PDE10A: variants seen among roughly 807,000 people sequenced by gnomAD.
The protein encoded by PDE10A is phosphodiesterase 10A.
A neutral mutation model predicts 97.7 loss-of-function variants in PDE10A; 39 were observed. That is an observed-to-expected ratio of 0.40 (90% CI 0.31 to 0.52). The LOEUF (loss-of-function observed/expected upper bound fraction) is 0.52. PDE10A is among the 20% of genes least tolerant of loss of function. The pLI is 0.56. For missense variants in PDE10A, 731 were observed against 1,047.8 expected, an observed-to-expected ratio of 0.70 and a Z score of 4.17; for synonymous variants, 371 against 376.8, an observed-to-expected ratio of 0.98 and a Z score of 0.18.
At chr6:165,472,599 T>C (rs1469716971) in intron 3 of PDE10A, among the ~76,000 whole-genome samples, 2 of 152,180 alleles carry the variant, frequency 1.3e-5, no homozygotes, top group Admixed American at 1.3e-4. Context: ...TGGTAGACTT[T>C]ATCCCCATTT....
chr6:165,716,516 A>G (rs1582984078), intron 1 of PDE10A, among the ~76,000 whole-genome samples: 1 of 152,264 alleles, frequency 6.6e-6, no homozygotes, highest in Non-Finnish European at 1.5e-5. Flanking sequence ...GGAGTTAATG[A>G]TTAGCACCAT....
chr6:165,367,960 T>C (rs1008982212), intron 18 of PDE10A, among the ~76,000 whole-genome samples: 4 of 152,186 alleles, frequency 2.6e-5, no homozygotes, highest in African/African-American at 9.6e-5. Flanking sequence ...GGAAATGGTA[T>C]ACATGTGAAA....
intron 1 of PDE10A, among the ~76,000 whole-genome samples, chr6:165,895,954 A>T (rs1239478414): frequency 6.6e-6 from 1 of 152,166 alleles, no homozygotes; most frequent in Non-Finnish European, 1.5e-5. Context: ...AGAAACAGAA[A>T]CAAGCATGGT....
At chr6:165,763,265 C>A (rs968781582) in intron 1 of PDE10A, among the ~76,000 whole-genome samples, 4 of 152,174 alleles carry the variant, frequency 2.6e-5, no homozygotes, top group Non-Finnish European at 5.9e-5. Flanking sequence ...AAGGACATCA[C>A]CCTGGTGTTT....
chr6:165,342,840 T>C (rs1469541611), intron 19 of PDE10A, among the ~76,000 whole-genome samples: 1 of 152,188 alleles, frequency 6.6e-6, no homozygotes, highest in Non-Finnish European at 1.5e-5. Context: ...ATTAGATAAG[T>C]CAGTCAAGAA....
chr6:165,668,982 G>C lies in PDE10A; in HGVS notation c.-614-125414C>G, dbSNP rs1583754522. On this transcript the variant is annotated intron_variant, in intron 1 of 19. Coordinates refer to the PDE10A transcript ENST00000366882. ...TTGATGCAGGGATCAGGCCTCCTCA[G>C]CCGCTGATGCCTCATGATAGAAGCA... Among the ~76,000 whole-genome samples, 4 of 152,316 alleles carry C rather than the reference G, an allele frequency of 2.6e-5. No homozygotes were observed. The East Asian group carries it at 7.7e-4, about 29-fold the overall frequency.
chr6:165,958,756 A>AGAAAG (rs1784267002), intron 1 of PDE10A, among the ~76,000 whole-genome samples: 5 of 151,910 alleles, frequency 3.3e-5, no homozygotes, highest in Admixed American at 6.6e-5. Context: ...AGAGAAAGAA[A>AGAAAG]GAAAGAAAGA....
chr6:165,944,074 G>A (rs188503), intron 1 of PDE10A, among the ~76,000 whole-genome samples: 40,200 of 152,144 alleles, frequency 0.26, 5,915 homozygotes, highest in East Asian at 0.39. Flanking sequence ...GGTGAAAGGG[G>A]AAGCAAATGC....
intron 1 of PDE10A, among the ~76,000 whole-genome samples, chr6:165,620,643 T>G (rs138099171): frequency 3.1e-3 from 475 of 152,288 alleles, no homozygotes; most frequent in African/African-American, 0.011. Flanking sequence ...CTGCTTCACC[T>G]GGTGGCAAGG....
intron 2 of PDE10A, among the ~76,000 whole-genome samples, chr6:165,516,019 A>G (rs1781783680): frequency 6.6e-6 from 1 of 152,232 alleles, no homozygotes; most frequent in Admixed American, 6.5e-5. Context: ...TAAGAAATAA[A>G]AAATCTGCTA....
intron 1 of PDE10A, among the ~76,000 whole-genome samples, chr6:165,901,661 GCATGGT>G (rs1239563658): frequency 6.6e-6 from 1 of 152,146 alleles, no homozygotes; most frequent in Non-Finnish European, 1.5e-5. Flanking sequence ...AATTAGCCAC[GCATGGT>G]GGCACATGCC....
chr6:165,928,548 A>G (rs975034602), intron 1 of PDE10A, among the ~76,000 whole-genome samples: 3 of 152,228 alleles, frequency 2.0e-5, no homozygotes, highest in African/African-American at 7.2e-5. Flanking sequence ...TTCATCTGGA[A>G]TGACAAAATA....
intron 8 of PDE10A, among the ~76,000 whole-genome samples, 181 bp from the exon 9 acceptor site, chr6:165,430,526 G>A (rs187186216): frequency 6.6e-6 from 1 of 152,138 alleles, no homozygotes; most frequent in African/African-American, 2.4e-5. Flanking sequence ...GCTAAACATT[G>A]TTTTAAGCAC....
At chr6:165,521,654 G>C (rs1782135486) in intron 2 of PDE10A, among the ~76,000 whole-genome samples, 1 of 152,136 alleles carries the variant, frequency 6.6e-6, no homozygotes, top group Non-Finnish European at 1.5e-5. Context: ...TCCAGAACAA[G>C]GCTCTAATTC....
intron 1 of PDE10A, among the ~76,000 whole-genome samples, chr6:165,979,233 C>T (rs557620439): frequency 6.6e-6 from 1 of 152,276 alleles, no homozygotes; most frequent in Admixed American, 6.5e-5. Flanking sequence ...TTGGCCAAGA[C>T]TTGTGTGGGC....
chr6:165,421,139 T>C (rs1336041197), intron 10 of PDE10A, among the ~76,000 whole-genome samples: 2 of 152,146 alleles, frequency 1.3e-5, no homozygotes, highest in Non-Finnish European at 2.9e-5. Flanking sequence ...ATCGTCATGG[T>C]TGTCAAAAAG....
At chr6:165,384,644 G>GGGGGGGGGGGCGAC (rs1785151319) in intron 17 of PDE10A, among the ~76,000 whole-genome samples, 1 of 63,060 alleles carries the variant, frequency 1.6e-5, no homozygotes, top group Admixed American at 1.8e-4. Flanking sequence ...GTGTGTGTGT[G>GGGGGGGGGGGCGAC]TGTGTGTGTG....
chr6:165,463,817 G>T (rs1778472787), intron 3 of PDE10A, among the ~76,000 whole-genome samples: 1 of 152,200 alleles, frequency 6.6e-6, no homozygotes, highest in Non-Finnish European at 1.5e-5. Context: ...AGGAATACCT[G>T]GCCCGCCCAG....
At chr6:165,884,302 T>G (rs1190876341) in intron 1 of PDE10A, among the ~76,000 whole-genome samples, 3 of 152,236 alleles carry the variant, frequency 2.0e-5, no homozygotes, top group African/African-American at 7.2e-5. Context: ...TCCCCAAAGC[T>G]TTATAAAACT....
Sources: allele counts gnomAD v4.1 joint callset (sites outside exome capture counted in the v4.1 genomes callset), GRCh38; gene constraint gnomAD v4.1.1; transcripts MANE v1.5; gene names NCBI Gene and HGNC (gene_info 2026-07-23, HGNC 2026-07-21).